The following MBNL2 variants were observed in gnomAD, a reference collection of about 807,000 sequenced individuals.
The protein encoded by MBNL2 is muscleblind like splicing regulator 2.
In MBNL2, 17 loss-of-function variants were observed where a neutral mutation model predicts 41.9. The observed-to-expected ratio is 0.41, with a 90% CI of 0.28 to 0.61. MBNL2 has a LOEUF of 0.61. Among genes scored for constraint, MBNL2 ranks in the 20% least tolerant of loss-of-function variants. The pLI, the probability that MBNL2 is intolerant of heterozygous loss-of-function variation, is 0.35. For synonymous variants in MBNL2, 195 were observed against 182.9 expected, an observed-to-expected ratio of 1.07 and a Z score of -0.53; for missense variants, 336 against 505.6, an observed-to-expected ratio of 0.66 and a Z score of 3.22.
At chr13:97,155,219 A>G in the MBNL2 span, among the ~76,000 whole-genome samples, 1 of 151,938 alleles carries the variant, frequency 6.6e-6, no homozygotes, top group East Asian at 1.9e-4. Flanking sequence ...TATGTTTTCC[A>G]TTCTCTCATT....
At position 97,334,150 on chromosome 13, in the gene MBNL2, A is replaced by T. The variant is rs1412352668; in HGVS notation, c.175-126A>T. 2 of 274,172 alleles carry T rather than the reference A, an allele frequency of 7.3e-6. No homozygotes were observed. Among genetic ancestry groups the T allele is most frequent in the East Asian group, 1.1e-4 (1 of 9,018 alleles). 17.0% of individuals were successfully genotyped at this position (274,172 alleles called of 1,614,324 possible). ...CACATGAGCATGCGCGCGCACACCC[A>T]CACACACACACACACACACACACAC... On this transcript the variant is annotated intron_variant, in intron 2 of 8. Transcript: ENST00000679496. The surrounding 1 kb of genome is among the most constrained non-coding windows in gnomAD (Gnocchi z 5.3).
chr13:97,158,109 C>T, the MBNL2 span, among the ~76,000 whole-genome samples: 2 of 151,978 alleles, frequency 1.3e-5, no homozygotes, highest in African/African-American at 4.8e-5. Context: ...CAACTTCTTC[C>T]TTGTTTAGTC....
At chr13:97,209,719 G>T in the MBNL2 span, among the ~76,000 whole-genome samples, 1 of 152,122 alleles carries the variant, frequency 6.6e-6, no homozygotes, top group African/African-American at 2.4e-5. Context: ...TAGTTTTCTA[G>T]AAGTTTGATG....
intron 1 of MBNL2, among the ~76,000 whole-genome samples, chr13:97,239,671 G>C (rs2043911437): frequency 6.6e-6 from 1 of 152,204 alleles, no homozygotes; most frequent in African/African-American, 2.4e-5. Flanking sequence ...TGAAGGCTGT[G>C]GACAGAGAGA....
intron 2 of MBNL2, among the ~76,000 whole-genome samples, chr13:97,326,047 C>T (rs1433196318): frequency 1.3e-5 from 2 of 152,178 alleles, no homozygotes; most frequent in African/African-American, 4.8e-5. Flanking sequence ...AGATTTGCAA[C>T]TCCCTTGAAG....
At chr13:97,182,678 AT>A in the MBNL2 span, among the ~76,000 whole-genome samples, 1 of 152,190 alleles carries the variant, frequency 6.6e-6, no homozygotes, top group Non-Finnish European at 1.5e-5. Context: ...ACTTTCAGAC[AT>A]TTTTTGAACT....
the MBNL2 span, among the ~76,000 whole-genome samples, chr13:97,155,863 G>A: frequency 6.8e-6 from 1 of 146,710 alleles, no homozygotes; most frequent in African/African-American, 2.5e-5. Context: ...ACATACGTGT[G>A]CATGTGTCTT....
chr13:97,393,056 T>C lies in MBNL2; in HGVS notation c.*1607T>C, dbSNP rs2066423892. On this transcript the variant is annotated 3_prime_UTR_variant, in exon 9 of 9. Coordinates refer to ENST00000679496, the MANE Select transcript of MBNL2 (RefSeq NM_001382683.1). The stretch of plus-strand genomic sequence containing the variant: ...ATCTATTTATCTTATATCGTAGATC[T>C]GATAACCCTATCTAAAAGAAAGTCA... The C allele has an allele frequency of 1.3e-5, 2 of 152,494 alleles. No homozygotes were observed. The highest frequency in any genetic ancestry group is 2.4e-5 in the African/African-American group (1 of 41,464). 9.4% of individuals were successfully genotyped at this position (152,494 alleles called of 1,614,324 possible).
the MBNL2 span, among the ~76,000 whole-genome samples, chr13:97,166,280 C>T: frequency 1.3e-5 from 2 of 152,218 alleles, no homozygotes; most frequent in African/African-American, 4.8e-5. Flanking sequence ...TCCTTGTGGT[C>T]TGTTAACATA....
chr13:97,325,378 T>C (rs185516125), intron 2 of MBNL2, among the ~76,000 whole-genome samples: 6 of 152,110 alleles, frequency 3.9e-5, no homozygotes, highest in African/African-American at 7.2e-5. Flanking sequence ...GCTCTCCCCA[T>C]CACAAGACAC....
chr13:97,202,428 G>T, the MBNL2 span, among the ~76,000 whole-genome samples: 1 of 152,048 alleles, frequency 6.6e-6, no homozygotes, highest in Non-Finnish European at 1.5e-5. Flanking sequence ...CTATAGAATG[G>T]GTGTAAAGTA....
chr13:97,359,573 C>T (rs2063242521), intron 7 of MBNL2, among the ~76,000 whole-genome samples: 1 of 152,168 alleles, frequency 6.6e-6, no homozygotes, highest in African/African-American at 2.4e-5. Flanking sequence ...TACGCAACGA[C>T]CTGATTTTTG....
intron 2 of MBNL2, among the ~76,000 whole-genome samples, chr13:97,300,161 C>CATGTGT (rs2057476468): frequency 6.6e-6 from 1 of 152,166 alleles, no homozygotes; most frequent in Non-Finnish European, 1.5e-5. Flanking sequence ...AGGGACTGTA[C>CATGTGT]ACATCACTTC....
intron 7 of MBNL2, among the ~76,000 whole-genome samples, chr13:97,363,646 GA>G (rs2063607868): frequency 6.6e-6 from 1 of 152,146 alleles, no homozygotes; most frequent in Non-Finnish European, 1.5e-5. Context: ...AAGCCAAATT[GA>G]AGAGGAATGA....
intron 5 of MBNL2, 23 bp from the exon 6 acceptor site, chr13:97,356,773 T>C (rs1047761208): frequency 3.7e-6 from 5 of 1,359,210 alleles, no homozygotes; most frequent in Non-Finnish European, 4.9e-6. Flanking sequence ...TGCCATCATG[T>C]GCTCGCTGCC....
At chr13:97,377,501 G>A (rs1203860652) in intron 8 of MBNL2, among the ~76,000 whole-genome samples, 2 of 152,086 alleles carry the variant, frequency 1.3e-5, no homozygotes, top group Non-Finnish European at 2.9e-5. Flanking sequence ...CAGTTTTTGA[G>A]GAATCAAAAA....
intron 7 of MBNL2, among the ~76,000 whole-genome samples, chr13:97,363,842 C>T (rs140567910): frequency 2.1e-3 from 321 of 152,170 alleles, no homozygotes; most frequent in African/African-American, 7.5e-3. Context: ...TTAGCTTGAT[C>T]GAAATGTAGT....
intron 1 of MBNL2, among the ~76,000 whole-genome samples, chr13:97,266,567 C>T (rs895310700): frequency 6.6e-5 from 10 of 152,364 alleles, no homozygotes; most frequent in Middle Eastern, 3.4e-3. Context: ...GGGCCCTCTC[C>T]GCCCAGGCGT....
chr13:97,238,057 T>C (rs1231351887), intron 1 of MBNL2, among the ~76,000 whole-genome samples: 1 of 152,178 alleles, frequency 6.6e-6, no homozygotes, highest in Non-Finnish European at 1.5e-5. Context: ...GCCAATGGCA[T>C]AAACACACAG....
Sources: gnomAD v4.1 joint callset for allele counts (sites outside exome capture counted in the v4.1 genomes callset) on GRCh38, gnomAD v4.1.1 for gene constraint, Gnocchi (gnomAD v3.1) non-coding constraint, MANE v1.5 for transcripts, NCBI Gene and HGNC (gene_info 2026-07-23, HGNC 2026-07-21) for gene names.